The following ZBTB7C variants were observed in gnomAD, a reference collection of about 807,000 sequenced individuals.
The protein encoded by ZBTB7C is zinc finger and BTB domain containing 7C, also known as zinc finger and BTB domain-containing protein 7C.
A neutral mutation model predicts 25.7 loss-of-function variants in ZBTB7C; 8 were observed. That is an observed-to-expected ratio of 0.31 (90% CI 0.18 to 0.56). ZBTB7C has a LOEUF of 0.56. Ranked by LOEUF, ZBTB7C falls within the 20% of genes least tolerant of loss-of-function variation. The pLI is 0.91. For synonymous variants in ZBTB7C, 394 were observed against 369.0 expected, an observed-to-expected ratio of 1.07 and a Z score of -0.78; for missense variants, 824 against 855.2, an observed-to-expected ratio of 0.96 and a Z score of 0.46.
intron 3 of ZBTB7C, among the ~76,000 whole-genome samples, chr18:48,050,790 G>C (rs2036655801): frequency 6.6e-6 from 1 of 152,074 alleles, no homozygotes; most frequent in Non-Finnish European, 1.5e-5. Flanking sequence ...TCTGCAACCA[G>C]TCACTCAAGT....
intron 2 of ZBTB7C, among the ~76,000 whole-genome samples, chr18:48,306,226 G>A (rs761313565): frequency 1.3e-5 from 2 of 152,098 alleles, no homozygotes; most frequent in Non-Finnish European, 2.9e-5. Context: ...AGCCTGCTCT[G>A]GGTAAGATTT....
rs2036186580 is a variant in ZBTB7C, at chr18:48,040,596, A to G, written c.512T>C (p.Phe171Ser). ...GTCAGGCAAGTTTTCTTGGTCAGCA[A>G]AGTCCTCCGTGTCATCATCGTCATC... is the stretch of plus-strand genomic sequence containing the variant. The part of the protein sequence containing the change: ...EEDDDDDTED[F>S]ADQENLPDPQ... Residue 171 changes from phenylalanine to serine, a missense_variant, in exon 4 of 5, where the codon TTT (phenylalanine) becomes TCT (serine). This residue lies in a region of ZBTB7C where 316 missense variants were observed against 299.2 expected (regional missense o/e 1.06). Transcript: ENST00000590800. 2.5e-6 allele frequency: 4 copies of G among 1,613,722 alleles called. No homozygotes were observed. The East Asian group carries it at 8.9e-5, about 36-fold the overall frequency.
At chr18:48,329,673 C>G (rs2144901962) in intron 2 of ZBTB7C, among the ~76,000 whole-genome samples, 1 of 152,280 alleles carries the variant, frequency 6.6e-6, no homozygotes, top group African/African-American at 2.4e-5. Context: ...TAGTGTTTGA[C>G]TCTTTGTACT....
upstream of ZBTB7C, among the ~76,000 whole-genome samples, chr18:48,410,097 C>G (rs2048366476): frequency 6.6e-6 from 1 of 151,404 alleles, no homozygotes; most frequent in Non-Finnish European, 1.5e-5. Context: ...AATAAAACAA[C>G]TCGGCAACTG....
chr18:48,365,282 G>C (rs532177025), intron 1 of ZBTB7C, among the ~76,000 whole-genome samples: 1 of 152,180 alleles, frequency 6.6e-6, no homozygotes, highest in African/African-American at 2.4e-5. Flanking sequence ...GGGTCAAAGG[G>C]TATATACACT....
chr18:48,308,747 T>C (rs2045740578), intron 2 of ZBTB7C, among the ~76,000 whole-genome samples: 1 of 152,198 alleles, frequency 6.6e-6, no homozygotes, highest in Non-Finnish European at 1.5e-5. Context: ...TCTAGGCCAG[T>C]GGTTCTTAAA....
intron 3 of ZBTB7C, among the ~76,000 whole-genome samples, chr18:48,043,136 G>A (rs566805360): frequency 6.6e-6 from 1 of 152,332 alleles, no homozygotes; most frequent in South Asian, 2.1e-4. Context: ...TATATTGCTG[G>A]TAGGAATGTA....
chr18:48,360,420 T>A (rs886822577), intron 1 of ZBTB7C, among the ~76,000 whole-genome samples: 1 of 152,216 alleles, frequency 6.6e-6, no homozygotes. Context: ...ACTTATGGCA[T>A]GTGAAAAATC....
intron 2 of ZBTB7C, among the ~76,000 whole-genome samples, chr18:48,186,356 C>T (rs533619131): frequency 1.3e-5 from 2 of 152,370 alleles, no homozygotes; most frequent in South Asian, 2.1e-4. Context: ...GCGTGCAGCT[C>T]GGAAGGCCTT....
chr18:48,223,001 A>G (rs1288241154), intron 2 of ZBTB7C, among the ~76,000 whole-genome samples: 2 of 152,190 alleles, frequency 1.3e-5, no homozygotes, highest in Non-Finnish European at 2.9e-5. Context: ...AGCAACCCCC[A>G]TGCCCAGGCT....
chr18:48,109,692 G>A (rs28386847), intron 3 of ZBTB7C, among the ~76,000 whole-genome samples: 77,048 of 152,010 alleles, frequency 0.51, 19,872 homozygotes, highest in Middle Eastern at 0.67. Flanking sequence ...AGCTGAGGCA[G>A]GGCCTGCAGA....
At chr18:48,211,653 T>G (rs1398717090) in intron 2 of ZBTB7C, among the ~76,000 whole-genome samples, 1 of 152,204 alleles carries the variant, frequency 6.6e-6, no homozygotes, top group East Asian at 1.9e-4. Context: ...ACTGCATACC[T>G]ATTAGAATGC....
At chr18:48,380,100 C>T (rs528088847) in intron 1 of ZBTB7C, among the ~76,000 whole-genome samples, 1 of 151,850 alleles carries the variant, frequency 6.6e-6, no homozygotes, top group South Asian at 2.1e-4. Flanking sequence ...TGGAGGAAGC[C>T]CAGGATGGAA....
intron 2 of ZBTB7C, among the ~76,000 whole-genome samples, chr18:48,206,344 T>C (rs1379150833): frequency 1.3e-5 from 2 of 152,158 alleles, no homozygotes. Context: ...TGGGAAAGAA[T>C]GGTGCTTACA....
chr18:48,256,742 T>A (rs2044032638), intron 2 of ZBTB7C, among the ~76,000 whole-genome samples: 1 of 152,042 alleles, frequency 6.6e-6, no homozygotes, highest in Non-Finnish European at 1.5e-5. Context: ...AAATGTACTA[T>A]TGTAAGGTTT....
chr18:48,114,076 T>C (rs1598903332), intron 3 of ZBTB7C, among the ~76,000 whole-genome samples: 1 of 151,978 alleles, frequency 6.6e-6, no homozygotes, highest in Non-Finnish European at 1.5e-5. Flanking sequence ...TCATGGGGGG[T>C]TTGGACTCCA....
At chr18:48,355,158 GTTT>G (rs1216769441) in intron 1 of ZBTB7C, among the ~76,000 whole-genome samples, 3 of 152,150 alleles carry the variant, frequency 2.0e-5, no homozygotes, top group East Asian at 3.9e-4. Flanking sequence ...GGCATCTCTG[GTTT>G]ATAACATGAG....
At chr18:48,080,749 C>T (rs957870386) in intron 3 of ZBTB7C, among the ~76,000 whole-genome samples, 6 of 152,206 alleles carry the variant, frequency 3.9e-5, no homozygotes, top group Non-Finnish European at 8.8e-5. Context: ...ACAGTGAGGC[C>T]TGGGCAAGCC....
chr18:48,241,305 G>C (rs903974135), intron 2 of ZBTB7C, among the ~76,000 whole-genome samples: 1 of 152,138 alleles, frequency 6.6e-6, no homozygotes, highest in African/African-American at 2.4e-5. Context: ...AAGACAGAAA[G>C]TCAACAAAGA....
Sources: allele counts gnomAD v4.1 joint callset (sites outside exome capture counted in the v4.1 genomes callset), GRCh38; gene constraint gnomAD v4.1.1; regional missense constraint gnomAD v4.1.1; transcripts MANE v1.5; gene names NCBI Gene and HGNC (gene_info 2026-07-23, HGNC 2026-07-21).